ADARB2: variants seen among roughly 807,000 people sequenced by gnomAD.
ADARB2 encodes the protein adenosine deaminase RNA specific B2 (inactive).
In ADARB2, 25 loss-of-function variants were observed where a neutral mutation model predicts 62.2. The ratio of observed to expected loss-of-function variants is 0.40; its 90% CI spans 0.29 to 0.56. ADARB2 has a LOEUF of 0.56. Ranked by LOEUF, ADARB2 falls within the 20% of genes least tolerant of loss-of-function variation. ADARB2 has a pLI of 0.43. For synonymous variants in ADARB2, 572 were observed against 500.8 expected, an observed-to-expected ratio of 1.14 and a Z score of -1.90; for missense variants, 1,071 against 1,077.4, an observed-to-expected ratio of 0.99 and a Z score of 0.08.
chr10:1,198,741 C>T (rs559683183), intron 8 of ADARB2, among the ~76,000 whole-genome samples: 1 of 152,364 alleles, frequency 6.6e-6, no homozygotes, highest in South Asian at 2.1e-4. Context: ...CTAAAATTCA[C>T]TGTGTTCACA....
At chr10:1,276,573 T>A (rs573559143) in intron 3 of ADARB2, among the ~76,000 whole-genome samples, 1 of 152,236 alleles carries the variant, frequency 6.6e-6, no homozygotes, top group South Asian at 2.1e-4. Context: ...TTGCCCATAT[T>A]CACCCAATAC....
At chr10:1,377,214 G>A (rs1215323111) in intron 2 of ADARB2, among the ~76,000 whole-genome samples, 5 of 137,416 alleles carry the variant, frequency 3.6e-5, no homozygotes, top group African/African-American at 1.4e-4. Flanking sequence ...GTGCGTTTGT[G>A]TGCGCCCCTG....
intron 1 of ADARB2, among the ~76,000 whole-genome samples, chr10:1,713,110 G>T (rs1469003222): frequency 6.6e-6 from 1 of 152,184 alleles, no homozygotes; most frequent in Admixed American, 6.5e-5. Context: ...TTAGGAGTCA[G>T]GCGATGGAGG....
At chr10:1,604,162 T>C (rs1833466426) in intron 1 of ADARB2, among the ~76,000 whole-genome samples, 1 of 152,222 alleles carries the variant, frequency 6.6e-6, no homozygotes, top group African/African-American at 2.4e-5. Context: ...CAGCATTTAC[T>C]ATGAATTTTT....
rs1564257792 is a variant in ADARB2, at chr10:1,326,804, G to GGCCCAGCGCCTCCCCACT, written c.1077+36223_1077+36224insAGTGGGGAGGCGCTGGGC. On this transcript the variant is annotated intron_variant, in intron 3 of 9. Transcript: ENST00000381312. ...TCCTCACTGCCCAGCGCCTCCCCAC[G>GGCCCAGCGCCTCCCCACT]GCCCAGCGCCTCCCCACGGCCCAGC... 1.9e-4 allele frequency among the ~76,000 whole-genome samples: 11 copies of GGCCCAGCGCCTCCCCACT among 56,774 alleles called. 1 individual carries two copies. In the East Asian group the frequency reaches 5.6e-3, roughly 29 times the overall value. The allele number at this position is 56,774 out of a possible 152,430, so 37.2% of individuals were successfully genotyped here. A position where few individuals can be genotyped will look rare whatever the true frequency, so the allele number is the denominator to read the frequency against.
intron 1 of ADARB2, among the ~76,000 whole-genome samples, chr10:1,604,844 G>A (rs574639449): frequency 1.6e-4 from 24 of 152,262 alleles, no homozygotes; most frequent in African/African-American, 5.8e-4. Context: ...GGTAAGTTTG[G>A]TGAGGACGTC....
intron 1 of ADARB2, among the ~76,000 whole-genome samples, chr10:1,413,057 G>C (rs1345992404): frequency 1.3e-5 from 2 of 152,242 alleles, no homozygotes; most frequent in African/African-American, 4.8e-5. Context: ...CTTCTCAGCA[G>C]AGGAGCCACA....
intron 1 of ADARB2, among the ~76,000 whole-genome samples, chr10:1,604,064 C>A (rs982180465): frequency 6.6e-6 from 1 of 152,112 alleles, no homozygotes; most frequent in Non-Finnish European, 1.5e-5. Context: ...CTCGGCCTCC[C>A]AAAGTGCTGG....
At chr10:1,507,300 A>C (rs1785272662) in intron 1 of ADARB2, among the ~76,000 whole-genome samples, 1 of 152,070 alleles carries the variant, frequency 6.6e-6, no homozygotes, top group Admixed American at 6.5e-5. Context: ...ATGTGAGGGA[A>C]CCTCAGGAGG....
rs774641401 is a variant in ADARB2, at chr10:1,242,280, C to G, written c.1212G>C (p.Ala404=). The change falls in exon 5 of 10, where the codon GCG becomes GCC. Residue 404 remains alanine, a synonymous_variant. Transcript: ENST00000381312. ...VMTKGLDARQ[A]QVVALSSGTK... Reference sequence around the variant, plus strand: ...TCCCCGAGGACAGGGCCACGACCTGCGCCTGCCGAGCATCCAGGCCTGGGG... The same window carrying G: ...TCCCCGAGGACAGGGCCACGACCTGGGCCTGCCGAGCATCCAGGCCTGGGG... 6.4e-7 allele frequency: 1 copy of G among 1,565,790 alleles called. No individual in the cohort carries two copies. The highest frequency in any genetic ancestry group is 2.4e-5 in the East Asian group (1 of 42,474).
At chr10:1,465,916 A>G (rs895194895) in intron 1 of ADARB2, among the ~76,000 whole-genome samples, 1 of 152,258 alleles carries the variant, frequency 6.6e-6, no homozygotes, top group African/African-American at 2.4e-5. Flanking sequence ...TTTAGTTTGC[A>G]GAGGGTTCTT....
chr10:1,691,408 T>G (rs942611735), intron 1 of ADARB2, among the ~76,000 whole-genome samples: 1 of 152,136 alleles, frequency 6.6e-6, no homozygotes, highest in Non-Finnish European at 1.5e-5. Flanking sequence ...ATACAATGGT[T>G]TTTTACTCCT....
chr10:1,371,823 T>C (rs1487910098), intron 2 of ADARB2, among the ~76,000 whole-genome samples: 1 of 148,556 alleles, frequency 6.7e-6, no homozygotes, highest in Non-Finnish European at 1.5e-5. Context: ...CATGTTTGTG[T>C]GGATGCAGAG....
chr10:1,508,672 A>T (rs1831883078), intron 1 of ADARB2, among the ~76,000 whole-genome samples: 1 of 152,178 alleles, frequency 6.6e-6, no homozygotes, highest in African/African-American at 2.4e-5. Flanking sequence ...CCAGCTACTC[A>T]GGAGGCTGAG....
chr10:1,280,938 A>G (rs1488732602), intron 3 of ADARB2, among the ~76,000 whole-genome samples: 1 of 152,232 alleles, frequency 6.6e-6, no homozygotes, highest in Non-Finnish European at 1.5e-5. Context: ...CAGGCTGAGC[A>G]CGCACGGCTT....
Position 1,484,524 on chromosome 10 carries a change from C to T in ADARB2, c.101-105364G>A, listed in dbSNP as rs7094758. On this transcript the variant is annotated intron_variant, in intron 1 of 9. Transcript: ENST00000381312. ...TTCTCCATGAAAATGCTGGGTGGAA[C>T]GTAAGGAATGGGAAGAAGCTTAAGC... is the stretch of plus-strand genomic sequence containing the variant. Among the ~76,000 whole-genome samples the T allele has an allele frequency of 1.8e-3, 278 of 152,314 alleles. 4 individuals carry two copies. Among genetic ancestry groups the T allele is most frequent in the African/African-American group, 6.5e-3 (270 of 41,576 alleles).
chr10:1,514,178 A>AATATAT (rs61671460), intron 1 of ADARB2, among the ~76,000 whole-genome samples: 1,638 of 94,142 alleles, frequency 0.017, 205 homozygotes, highest in African/African-American at 0.03. Flanking sequence ...GCTGTCTCAA[A>AATATAT]ATATATATAT....
chr10:1,435,274 C>T (rs1433693302), intron 1 of ADARB2, among the ~76,000 whole-genome samples: 1 of 152,230 alleles, frequency 6.6e-6, no homozygotes, highest in Non-Finnish European at 1.5e-5. Flanking sequence ...GGGCTCAGGC[C>T]TGCTTCCAAG....
chr10:1,481,821 C>T (rs529545557), intron 1 of ADARB2, among the ~76,000 whole-genome samples: 1 of 146,232 alleles, frequency 6.8e-6, no homozygotes, highest in Non-Finnish European at 1.5e-5. Flanking sequence ...TGTGCCACTG[C>T]ACTCCAGCCT....
Sources: allele counts gnomAD v4.1 joint callset (sites outside exome capture counted in the v4.1 genomes callset), GRCh38; gene constraint gnomAD v4.1.1; transcripts MANE v1.5; gene names NCBI Gene and HGNC (gene_info 2026-07-23, HGNC 2026-07-21).